Variants in MAN1C1 observed in about 807,000 individuals in gnomAD.
MAN1C1 encodes mannosidase alpha class 1C member 1, also known as mannosyl-oligosaccharide 1,2-alpha-mannosidase IC.
A neutral mutation model predicts 71.5 loss-of-function variants in MAN1C1; 49 were observed. The ratio of observed to expected loss-of-function variants is 0.69; its 90% CI spans 0.54 to 0.87. The LOEUF (loss-of-function observed/expected upper bound fraction) is 0.87. Among genes scored for constraint, MAN1C1 ranks in the 40% least tolerant of loss-of-function variants. MAN1C1 has a pLI of 0.00. For synonymous variants in MAN1C1, 352 were observed against 343.7 expected (o/e 1.02, Z -0.27); for missense variants, 743 against 835.0 (o/e 0.89, Z 1.36).
intron 2 of MAN1C1, among the ~76,000 whole-genome samples, chr1:25,714,104 G>C (rs779940305): frequency 1.3e-5 from 2 of 152,190 alleles, no homozygotes; most frequent in Non-Finnish European, 2.9e-5. Context: ...TTCAGAGTGA[G>C]GAAGTGATGA....
intron 2 of MAN1C1, among the ~76,000 whole-genome samples, chr1:25,732,615 G>A (rs1404045825): frequency 6.6e-6 from 1 of 152,222 alleles, no homozygotes; most frequent in African/African-American, 2.4e-5. Context: ...GGTTTGCAAG[G>A]TGGAGGTCTT....
At chr1:25,733,480 C>A (rs548072076) in intron 2 of MAN1C1, among the ~76,000 whole-genome samples, 2 of 152,280 alleles carry the variant, frequency 1.3e-5, no homozygotes, top group South Asian at 4.1e-4. Context: ...TGGCCCCTTT[C>A]TCCTGGGCCT....
intron 2 of MAN1C1, among the ~76,000 whole-genome samples, chr1:25,704,666 C>T (rs1007869776): frequency 2.0e-5 from 3 of 152,218 alleles, no homozygotes; most frequent in Non-Finnish European, 4.4e-5. Flanking sequence ...CAGTTTTCCC[C>T]GAACTCCGGC....
intron 4 of MAN1C1, among the ~76,000 whole-genome samples, chr1:25,752,987 G>A (rs777280716): frequency 6.6e-6 from 1 of 152,190 alleles, no homozygotes; most frequent in Admixed American, 6.5e-5. Context: ...CTGTCCGAAC[G>A]GCACCACCTG....
Position 25,782,511 on chromosome 1 carries a change from G to C in MAN1C1, c.1651-74G>C. 1.0e-6 allele frequency: 1 copy of C among 961,218 alleles called. No individual in the cohort carries two copies. Among genetic ancestry groups the C allele is most frequent in the Admixed American group, 1.8e-5 (1 of 54,698 alleles). 59.5% of individuals were successfully genotyped at this position (961,218 alleles called of 1,614,324 possible). On this transcript the variant is annotated intron_variant, in intron 10 of 11. Transcript: ENST00000374332. The surrounding 1 kb of genome is among the most constrained non-coding windows in gnomAD (Gnocchi z 4.4). Reference sequence around the variant, plus strand: ...CTTTCTTCTAGCTCCAGCCTGCCAGGCATGCACAAGTCTTGAGGGGCCTTT... The same window carrying C: ...CTTTCTTCTAGCTCCAGCCTGCCAGCCATGCACAAGTCTTGAGGGGCCTTT...
chr1:25,754,831 G>A (rs890531697), intron 5 of MAN1C1, among the ~76,000 whole-genome samples: 1 of 152,230 alleles, frequency 6.6e-6, no homozygotes, highest in African/African-American at 2.4e-5. Flanking sequence ...TGTGATTAAG[G>A]AAGCGCGTTT....
intron 1 of MAN1C1, among the ~76,000 whole-genome samples, chr1:25,618,726 G>A (rs948851483): frequency 6.6e-6 from 1 of 151,992 alleles, no homozygotes; most frequent in African/African-American, 2.4e-5. Flanking sequence ...TGCATTTGTG[G>A]ACACAGAGCC....
chr1:25,717,764 A>G (rs1053327878), intron 2 of MAN1C1, among the ~76,000 whole-genome samples: 2 of 151,860 alleles, frequency 1.3e-5, no homozygotes, highest in African/African-American at 4.8e-5. Flanking sequence ...GGGTTTCTCC[A>G]TGTTGGTCAG....
At chr1:25,693,390 G>A (rs1572154266) in intron 2 of MAN1C1, among the ~76,000 whole-genome samples, 1 of 152,252 alleles carries the variant, frequency 6.6e-6, no homozygotes, top group South Asian at 2.1e-4. Context: ...AGCACTTTAG[G>A]AGGCCAAGGT....
intron 1 of MAN1C1, among the ~76,000 whole-genome samples, chr1:25,641,022 C>G (rs2045529804): frequency 6.6e-6 from 1 of 152,108 alleles, no homozygotes; most frequent in South Asian, 2.1e-4. Context: ...CTCTGGAACT[C>G]GAAGTCGACT....
At chr1:25,755,131 A>T (rs973585498) in intron 5 of MAN1C1, among the ~76,000 whole-genome samples, 10 of 152,156 alleles carry the variant, frequency 6.6e-5, no homozygotes, top group Non-Finnish European at 1.3e-4. Flanking sequence ...GTAGGTAACC[A>T]GCCCTGCCCT....
intron 1 of MAN1C1, among the ~76,000 whole-genome samples, chr1:25,620,985 G>C (rs2045198490): frequency 6.6e-6 from 1 of 152,212 alleles, no homozygotes; most frequent in Non-Finnish European, 1.5e-5. Flanking sequence ...ATGTGGTGGA[G>C]AGAGGAGACC....
At chr1:25,683,082 G>C (rs1487888718) in intron 1 of MAN1C1, among the ~76,000 whole-genome samples, 2 of 151,164 alleles carry the variant, frequency 1.3e-5, no homozygotes, top group Non-Finnish European at 2.9e-5. Context: ...CTTCCCAGGA[G>C]ACCTTTGAGG....
intron 7 of MAN1C1, among the ~76,000 whole-genome samples, chr1:25,765,335 C>T (rs2047413785): frequency 6.6e-6 from 1 of 152,188 alleles, no homozygotes; most frequent in African/African-American, 2.4e-5. Context: ...GTCACATGGT[C>T]ATGGTCAGCT....
chr1:25,681,687 A>G (rs2046156969), intron 1 of MAN1C1, among the ~76,000 whole-genome samples: 1 of 152,218 alleles, frequency 6.6e-6, no homozygotes. Context: ...GTCATATGGT[A>G]ACTCCATATT....
chr1:25,623,461 G>A (rs538798148), intron 1 of MAN1C1, among the ~76,000 whole-genome samples: 1 of 151,718 alleles, frequency 6.6e-6, no homozygotes, highest in Non-Finnish European at 1.5e-5. Context: ...TGGTGGGGGG[G>A]GGTAAGAATA....
intron 1 of MAN1C1, among the ~76,000 whole-genome samples, chr1:25,663,199 C>T (rs1038950073): frequency 6.0e-4 from 88 of 146,818 alleles, no homozygotes; most frequent in Non-Finnish European, 2.4e-4. Context: ...ATATAAAATA[C>T]GTATATTTAA....
chr1:25,708,455 C>G (rs1032170580), intron 2 of MAN1C1, among the ~76,000 whole-genome samples: 2 of 152,150 alleles, frequency 1.3e-5, no homozygotes, highest in African/African-American at 2.4e-5. Context: ...TTTACCATAG[C>G]CTGTTTTATC....
rs1437677895 is a variant in MAN1C1, at chr1:25,735,508, G to A, written c.638-11160G>A. Among the ~76,000 whole-genome samples, 6 of 152,154 alleles carry A rather than the reference G, an allele frequency of 3.9e-5. No homozygotes were observed. Among genetic ancestry groups the A allele is most frequent in the South Asian group, 2.1e-4 (1 of 4,832 alleles). Reference sequence around the variant, plus strand: ...TATGTGTGTATATGTGTGTATGTATGTGTGTGTATATATATGTGTATGTAT... The same window carrying A: ...TATGTGTGTATATGTGTGTATGTATATGTGTGTATATATATGTGTATGTAT... On this transcript the variant is annotated intron_variant, in intron 2 of 11. Transcript: ENST00000374332. This position sits in a 1 kb window ranked among gnomAD's most constrained non-coding sequence, Gnocchi z 4.6.
Sources: allele counts gnomAD v4.1 joint callset (sites outside exome capture counted in the v4.1 genomes callset), GRCh38; gene constraint gnomAD v4.1.1; non-coding constraint Gnocchi (gnomAD v3.1); transcripts MANE v1.5; gene names NCBI Gene and HGNC (gene_info 2026-07-23, HGNC 2026-07-21).